AUTS2: variants seen among roughly 807,000 people sequenced by gnomAD.
The protein encoded by AUTS2 is autism susceptibility gene 2 protein.
AUTS2 carries 17 observed loss-of-function variants against 112.4 expected under a neutral mutation model. That is an observed-to-expected ratio of 0.15 (90% confidence interval 0.10 to 0.23). The LOEUF is 0.23. Among genes scored for constraint, AUTS2 ranks in the 10% least tolerant of loss-of-function variants. The pLI, the probability that AUTS2 is intolerant of heterozygous loss-of-function variation, is 1.00. For missense variants in AUTS2, 1,510 were observed against 1,701.6 expected, an observed-to-expected ratio of 0.89 and a Z score of 1.98; for synonymous variants, 751 against 702.7, an observed-to-expected ratio of 1.07 and a Z score of -1.09.
In AUTS2 at chr7:70,763,053, C is replaced by T. The variant is rs778122677; in HGVS notation, c.926C>T (p.Pro309Leu). 4 of 1,614,140 alleles carry T rather than the reference C, an allele frequency of 2.5e-6. No individual in the cohort carries two copies. In the South Asian group the frequency reaches 3.3e-5, roughly 13 times the overall value. The change falls in exon 7 of 19, where the codon CCG becomes CTG. Residue 309 changes from proline (P) to leucine (L), a missense_variant. Pro to Leu is a moderately conservative substitution (Grantham distance 98). Around this residue, in one of 3 missense-constraint regions of AUTS2, gnomAD observed 535 missense variants for 594.3 expected, o/e 0.90. Coordinates refer to ENST00000342771, the MANE Select transcript of AUTS2 (RefSeq NM_015570.4). ...CAGGTCGCACAGCCAATACCCCAGC[C>T]GCAGACGGAGCCCCAACTCCGAGCT... ...CPQVAQPIPQPQTEPQLRAPS... is the reference protein window; with the variant it reads ...CPQVAQPIPQLQTEPQLRAPS...
chr7:70,663,854 C>T (rs1052326727), intron 5 of AUTS2, among the ~76,000 whole-genome samples: 1 of 152,150 alleles, frequency 6.6e-6, no homozygotes, highest in Admixed American at 6.5e-5. Context: ...GAATGAGTGT[C>T]AGATAATTAG....
At chr7:70,488,971 G>A (rs1798132755) in intron 5 of AUTS2, among the ~76,000 whole-genome samples, 1 of 152,114 alleles carries the variant, frequency 6.6e-6, no homozygotes, top group African/African-American at 2.4e-5. Context: ...CACTAGAAGA[G>A]GTTTCTAATT....
intron 2 of AUTS2, among the ~76,000 whole-genome samples, chr7:69,965,127 T>G (rs1490393631): frequency 6.6e-6 from 1 of 152,144 alleles, no homozygotes; most frequent in Non-Finnish European, 1.5e-5. Context: ...GCTTTTTCAG[T>G]GTTGCCCATC....
intron 1 of AUTS2, among the ~76,000 whole-genome samples, chr7:69,767,790 T>C (rs778794618): frequency 3.3e-5 from 5 of 152,222 alleles, no homozygotes; most frequent in African/African-American, 7.2e-5. Flanking sequence ...TTTCAGACCA[T>C]TGGGGGATCC....
intron 2 of AUTS2, among the ~76,000 whole-genome samples, chr7:70,060,084 C>G (rs1198126776): frequency 6.6e-6 from 1 of 152,072 alleles, no homozygotes; most frequent in Non-Finnish European, 1.5e-5. Context: ...AGGTCATTTC[C>G]TATATAAAAG....
intron 4 of AUTS2, among the ~76,000 whole-genome samples, chr7:70,225,845 G>T (rs1392479487): frequency 6.6e-6 from 1 of 152,008 alleles, no homozygotes; most frequent in African/African-American, 2.4e-5. Context: ...TTCTCAATTT[G>T]GTTCAAGATT....
chr7:70,313,209 T>C (rs1789840254), intron 4 of AUTS2, among the ~76,000 whole-genome samples: 1 of 152,212 alleles, frequency 6.6e-6, no homozygotes, highest in African/African-American at 2.4e-5. Flanking sequence ...TTAGACTTGA[T>C]GGCAGTTTGA....
intron 4 of AUTS2, among the ~76,000 whole-genome samples, chr7:70,183,174 G>A (rs1244971827): frequency 6.6e-6 from 1 of 152,012 alleles, no homozygotes; most frequent in Non-Finnish European, 1.5e-5. Context: ...TTGATGATGT[G>A]CAATTTATTC....
intron 5 of AUTS2, among the ~76,000 whole-genome samples, chr7:70,496,268 ACGT>A (rs1798495416): frequency 7.5e-6 from 1 of 132,466 alleles, no homozygotes; most frequent in African/African-American, 2.9e-5. Context: ...ACACATGCAC[ACGT>A]CACATCAGCG....
At chr7:70,523,839 G>A (rs572570075) in intron 5 of AUTS2, among the ~76,000 whole-genome samples, 76 of 152,306 alleles carry the variant, frequency 5.0e-4, no homozygotes, top group South Asian at 1.2e-3. Flanking sequence ...CACTCCAGGC[G>A]AAAACCGGTG....
At chr7:69,734,516 G>A (rs1331277167) in intron 1 of AUTS2, among the ~76,000 whole-genome samples, 2 of 151,742 alleles carry the variant, frequency 1.3e-5, no homozygotes, top group Admixed American at 6.6e-5. Flanking sequence ...TAGATAGATA[G>A]TATGAAACCT....
At chr7:69,795,900 A>G (rs989843440) in intron 1 of AUTS2, among the ~76,000 whole-genome samples, 20 of 152,172 alleles carry the variant, frequency 1.3e-4, no homozygotes, top group African/African-American at 3.6e-4. Context: ...CCAGGACCCA[A>G]TTAGTTCTTT....
chr7:70,373,950 G>A (rs1044921361), intron 4 of AUTS2, among the ~76,000 whole-genome samples: 3 of 151,586 alleles, frequency 2.0e-5, no homozygotes, highest in East Asian at 3.9e-4. Flanking sequence ...TGGTCTATAC[G>A]GAATGTCATT....
At chr7:70,321,121 G>A (rs1031873261) in intron 4 of AUTS2, among the ~76,000 whole-genome samples, 5 of 152,182 alleles carry the variant, frequency 3.3e-5, no homozygotes, top group African/African-American at 1.2e-4. Context: ...TCCCAATTTT[G>A]TGAGATAGGT....
chr7:70,540,120 G>A (rs1800490000), intron 5 of AUTS2, among the ~76,000 whole-genome samples: 1 of 152,038 alleles, frequency 6.6e-6, no homozygotes, highest in Non-Finnish European at 1.5e-5. Context: ...CCTTCCACTT[G>A]GTCCTTTACC....
intron 5 of AUTS2, among the ~76,000 whole-genome samples, chr7:70,642,887 C>T (rs17141924): frequency 1.2e-4 from 19 of 152,266 alleles, no homozygotes; most frequent in African/African-American, 2.2e-4. Context: ...TGCCTCTGCC[C>T]GTTGATGGCA....
At chr7:70,012,209 G>A (rs1226433581) in intron 2 of AUTS2, among the ~76,000 whole-genome samples, 3 of 152,146 alleles carry the variant, frequency 2.0e-5, no homozygotes, top group Non-Finnish European at 4.4e-5. Flanking sequence ...TCCTTGGACA[G>A]GAATAAGTTC....
chr7:70,560,502 C>T (rs972740221), intron 5 of AUTS2, among the ~76,000 whole-genome samples: 6 of 152,188 alleles, frequency 3.9e-5, no homozygotes, highest in African/African-American at 1.4e-4. Flanking sequence ...AGTTTTAAAA[C>T]AACAGGGTTA....
intron 1 of AUTS2, among the ~76,000 whole-genome samples, chr7:69,865,897 C>T (rs1436243073): frequency 6.6e-6 from 1 of 152,206 alleles, no homozygotes; most frequent in African/African-American, 2.4e-5. Flanking sequence ...TGTACCCTCT[C>T]CCTAACTCTT....
Sources: gnomAD v4.1 joint callset for allele counts (sites outside exome capture counted in the v4.1 genomes callset) on GRCh38, gnomAD v4.1.1 for gene constraint, gnomAD v4.1.1 regional missense constraint, MANE v1.5 for transcripts, NCBI Gene and HGNC (gene_info 2026-07-23, HGNC 2026-07-21) for gene names.